Variants in RASGEF1A observed in about 807,000 individuals in gnomAD.
RASGEF1A encodes ras-GEF domain-containing family member 1A.
RASGEF1A carries 18 observed loss-of-function variants against 56.4 expected under a neutral mutation model. The observed-to-expected ratio is 0.32, with a 90% CI of 0.22 to 0.47. The LOEUF (loss-of-function observed/expected upper bound fraction) is 0.47, where lower values mean the gene tolerates loss of function less well. Ranked by LOEUF, RASGEF1A falls within the 20% of genes least tolerant of loss-of-function variation. The probability of loss-of-function intolerance (pLI) is 1.00; values close to 1 mark genes in which losing one functional copy is unlikely to be tolerated. For synonymous variants in RASGEF1A, 245 were observed against 242.6 expected, an observed-to-expected ratio of 1.01 and a Z score of -0.09; for missense variants, 422 against 627.1, an observed-to-expected ratio of 0.67 and a Z score of 3.49.
At chr10:43,228,709 T>C (rs1840315771) in intron 1 of RASGEF1A, among the ~76,000 whole-genome samples, 1 of 152,218 alleles carries the variant, frequency 6.6e-6, no homozygotes, top group South Asian at 2.1e-4. Context: ...GCTTCTTCTC[T>C]AGCCCTCAGC....
chr10:43,257,334 G>A (rs930829429), intron 1 of RASGEF1A, among the ~76,000 whole-genome samples: 1 of 152,234 alleles, frequency 6.6e-6, no homozygotes, highest in Non-Finnish European at 1.5e-5. Context: ...GCCCACTTGT[G>A]TCTAGACACC....
chr10:43,223,000 T>C (rs1455229012), intron 1 of RASGEF1A, among the ~76,000 whole-genome samples: 1 of 140,756 alleles, frequency 7.1e-6, no homozygotes, highest in Non-Finnish European at 1.5e-5. Context: ...AAACACTTTA[T>C]TGGTTTTTTT....
At chr10:43,218,256 T>G (rs1840162595) in intron 1 of RASGEF1A, among the ~76,000 whole-genome samples, 1 of 151,956 alleles carries the variant, frequency 6.6e-6, no homozygotes, top group Non-Finnish European at 1.5e-5. Flanking sequence ...TCATCCCACT[T>G]CTGGGTCCTT....
chr10:43,237,904 C>T (rs1347960367), intron 1 of RASGEF1A, among the ~76,000 whole-genome samples: 1 of 152,208 alleles, frequency 6.6e-6, no homozygotes, highest in African/African-American at 2.4e-5. Flanking sequence ...CCCTGTCCTG[C>T]AGACACTCAG....
rs1349738361 is a variant in RASGEF1A at position 43,196,950 on chromosome 10, A to G, written c.1348+26T>C. On this transcript the variant is annotated intron_variant, in intron 11 of 12. Coordinates refer to ENST00000395810, the MANE Select transcript of RASGEF1A (RefSeq NM_145313.4). The surrounding 1 kb of genome is among the most constrained non-coding windows in gnomAD (Gnocchi z 4.6). The stretch of plus-strand genomic sequence containing the variant: ...CAAGGAGTCAGGTGGGGTGGGAGGC[A>G]TGCTGCGTTGGGAGGCAGCCCTCAC... 5 of 1,610,792 alleles carry G rather than the reference A, an allele frequency of 3.1e-6. No homozygotes were observed. The highest frequency in any genetic ancestry group is 1.1e-5 in the South Asian group (1 of 90,854).
At chr10:43,219,577 G>A (rs1040341503) in intron 1 of RASGEF1A, among the ~76,000 whole-genome samples, 3 of 152,196 alleles carry the variant, frequency 2.0e-5, no homozygotes, top group Non-Finnish European at 4.4e-5. Flanking sequence ...AGGCCCACCC[G>A]GGCACACTGC....
At chr10:43,218,077 C>A (rs1840160503) in intron 1 of RASGEF1A, among the ~76,000 whole-genome samples, 1 of 152,232 alleles carries the variant, frequency 6.6e-6, no homozygotes, top group Non-Finnish European at 1.5e-5. Flanking sequence ...ACCTCCAGCA[C>A]CTGCTTCCCA....
intron 5 of RASGEF1A, 37 bp from the exon 6 acceptor site, chr10:43,200,293 TC>T (rs1183286805): frequency 8.4e-6 from 13 of 1,553,832 alleles, no homozygotes; most frequent in East Asian, 2.3e-5. Context: ...GTGACAAGCT[TC>T]CCCTGGAGAA....
intron 1 of RASGEF1A, among the ~76,000 whole-genome samples, chr10:43,262,355 G>C (rs929694830): frequency 6.6e-6 from 1 of 152,216 alleles, no homozygotes; most frequent in African/African-American, 2.4e-5. Flanking sequence ...AGAAGTGGTG[G>C]TGACAACAAA....
intron 1 of RASGEF1A, among the ~76,000 whole-genome samples, chr10:43,248,782 C>T (rs1183432709): frequency 6.6e-6 from 1 of 152,092 alleles, no homozygotes; most frequent in Non-Finnish European, 1.5e-5. Context: ...ATAACTGTAT[C>T]TTGAGGGCTT....
chr10:43,255,632 C>G (rs574960281), intron 1 of RASGEF1A, among the ~76,000 whole-genome samples: 12 of 152,268 alleles, frequency 7.9e-5, no homozygotes, highest in African/African-American at 2.9e-4. Context: ...CATAGCAGCA[C>G]AGACTGAGGC....
chr10:43,232,520 TC>T (rs1840384627), intron 1 of RASGEF1A, among the ~76,000 whole-genome samples: 1 of 134,334 alleles, frequency 7.4e-6, no homozygotes, highest in Admixed American at 8.2e-5. Flanking sequence ...GGAGTCTCCC[TC>T]TATCACCCAG....
At chr10:43,249,953 T>G (rs530476721) in intron 1 of RASGEF1A, among the ~76,000 whole-genome samples, 1 of 152,322 alleles carries the variant, frequency 6.6e-6, no homozygotes, top group Non-Finnish European at 1.5e-5. Flanking sequence ...GATTATTCAG[T>G]GCTCTCCCTC....
Position 43,205,911 on chromosome 10 carries a change from G to C in RASGEF1A, c.198+8C>G, listed in dbSNP as rs749851824. The C allele has an allele frequency of 3.7e-6, 6 of 1,606,906 alleles. No homozygotes were observed. The African/African-American group carries it at 4.0e-5, about 11-fold the overall frequency. On this transcript the variant is annotated splice_region_variant and intron_variant, in intron 2 of 12. Coordinates refer to ENST00000395810, the MANE Select transcript of RASGEF1A (RefSeq NM_145313.4). ...TTAGTCTCACTCCACAAGGCCCCAC[G>C]TACTCACATCGGGGTAATAGTCCAC...
In RASGEF1A at chr10:43,226,643, T is replaced by C. The variant is rs138573201; in HGVS notation, c.-6-20521A>G. 6.9e-3 allele frequency among the ~76,000 whole-genome samples: 1,056 copies of C among 152,090 alleles called. 18 individuals carry two copies. The highest frequency in any genetic ancestry group is 0.024 in the African/African-American group (1,000 of 41,484). Reference sequence around the variant, plus strand: ...CCCAGGCAGCCCAGAACCCACACAGTGGAGCCCTCATGACCCAGGAACCAG... The same window carrying C: ...CCCAGGCAGCCCAGAACCCACACAGCGGAGCCCTCATGACCCAGGAACCAG... On this transcript the variant is annotated intron_variant, in intron 1 of 12. Transcript: ENST00000395810.
At chr10:43,263,335 G>A (rs148572930) in intron 1 of RASGEF1A, among the ~76,000 whole-genome samples, 5 of 152,270 alleles carry the variant, frequency 3.3e-5, no homozygotes, top group African/African-American at 9.6e-5. Flanking sequence ...GCAGATTGGC[G>A]TGGGTGGGAG....
chr10:43,255,780 G>A (rs1307023874), intron 1 of RASGEF1A, among the ~76,000 whole-genome samples: 3 of 152,158 alleles, frequency 2.0e-5, no homozygotes, highest in African/African-American at 7.2e-5. Context: ...ACAAGTGTTG[G>A]CTCAGGACCA....
chr10:43,229,271 A>T (rs1292144946), intron 1 of RASGEF1A, among the ~76,000 whole-genome samples: 1 of 152,094 alleles, frequency 6.6e-6, no homozygotes, highest in Non-Finnish European at 1.5e-5. Flanking sequence ...CCTCACACAG[A>T]CCACACACCG....
intron 1 of RASGEF1A, among the ~76,000 whole-genome samples, chr10:43,259,424 C>G (rs1836487922): frequency 6.6e-6 from 1 of 152,186 alleles, no homozygotes; most frequent in Admixed American, 6.5e-5. Context: ...CATCCAAGGG[C>G]CGAGCAGTGC....
Sources: allele counts gnomAD v4.1 joint callset (sites outside exome capture counted in the v4.1 genomes callset), GRCh38; gene constraint gnomAD v4.1.1; non-coding constraint Gnocchi (gnomAD v3.1); transcripts MANE v1.5; gene names NCBI Gene and HGNC (gene_info 2026-07-23, HGNC 2026-07-21).